Variants in OAS3 observed in about 807,000 individuals in gnomAD.
The protein encoded by OAS3 is 2'-5'-oligoadenylate synthase 3.
A neutral mutation model predicts 113.0 loss-of-function variants in OAS3; 107 were observed. The observed-to-expected ratio is 0.95, with a 90% confidence interval of 0.81 to 1.11. OAS3 has a LOEUF of 1.11. Among genes scored for constraint, OAS3 ranks in the 50% most tolerant of loss-of-function variants. The pLI, the probability that OAS3 is intolerant of heterozygous loss-of-function variation, is 0.00. For missense variants in OAS3, 1,258 were observed against 1,389.1 expected, an observed-to-expected ratio of 0.91 and a Z score of 1.50; for synonymous variants, 552 against 573.6, an observed-to-expected ratio of 0.96 and a Z score of 0.54.
rs374238440 is a variant in OAS3 at position 112,938,687 on chromosome 12, C to T, written c.157C>T (p.Arg53Trp). 1.6e-4 allele frequency: 257 copies of T among 1,571,026 alleles called. No individual in the cohort carries two copies. Among genetic ancestry groups the T allele is most frequent in the Non-Finnish European group, 2.1e-4 (249 of 1,160,416 alleles). Residue 53 changes from arginine (R) to tryptophan (W), a missense_variant, in exon 1 of 16, where the codon CGG becomes TGG. Coordinates refer to ENST00000228928, the MANE Select transcript of OAS3 (RefSeq NM_006187.4). The part of the protein sequence containing the change: ...RGGRLGAAAP[R>W]VLKTVKGGSS... Reference sequence around the variant, plus strand: ...GGGCCGCCTCGGTGCTGCTGCCCCGCGGGTGCTGAAAACTGTCAAGGTGAG... The same window carrying T: ...GGGCCGCCTCGGTGCTGCTGCCCCGTGGGTGCTGAAAACTGTCAAGGTGAG...
rs1201858080 is a variant in OAS3, at chr12:112,963,584, C to G, written c.2229+127C>G. The G allele has an allele frequency of 2.2e-6, 2 of 919,296 alleles. No individual in the cohort carries two copies. Among genetic ancestry groups the G allele is most frequent in the Non-Finnish European group, 3.0e-6 (2 of 659,632 alleles). 56.9% of individuals were successfully genotyped at this position (919,296 alleles called of 1,614,324 possible). A position where few individuals can be genotyped will look rare whatever the true frequency, so the allele number is the denominator to read the frequency against. On this transcript the variant is annotated intron_variant, in intron 10 of 15. Transcript: ENST00000228928. This position sits in a 1 kb window ranked among gnomAD's most constrained non-coding sequence, Gnocchi z 4.6. ...GGTGGCTGACAACTCATAGCCACCC[C>G]TTCTCTGGAGACTTGCCTTTCATGA... is the stretch of plus-strand genomic sequence containing the variant.
intron 6 of OAS3, 166 bp from the exon 7 acceptor site, chr12:112,950,527 C>A: frequency 1.3e-6 from 1 of 741,284 alleles, no homozygotes. Flanking sequence ...TGTCACAATT[C>A]TAAGAGGTCA....
intron 2 of OAS3, among the ~76,000 whole-genome samples, chr12:112,943,974 T>A (rs2043704122): frequency 6.6e-6 from 1 of 152,216 alleles, no homozygotes; most frequent in African/African-American, 2.4e-5. Flanking sequence ...ATTACAGGTG[T>A]GAGCCACAGC....
intron 3 of OAS3, among the ~76,000 whole-genome samples, chr12:112,946,078 T>C (rs538526929): frequency 6.6e-6 from 1 of 152,100 alleles, no homozygotes; most frequent in Non-Finnish European, 1.5e-5. Flanking sequence ...TGGGTACACA[T>C]GTGCACCCAC....
At chr12:112,959,630 T>G (rs79871006) in intron 7 of OAS3, among the ~76,000 whole-genome samples, 4,404 of 152,244 alleles carry the variant, frequency 0.029, 97 homozygotes, top group East Asian at 0.088. Context: ...TATTCTCTAC[T>G]TCTGGAACTC....
chr12:112,940,112 A>C (rs1332117195), intron 1 of OAS3, among the ~76,000 whole-genome samples: 1 of 152,118 alleles, frequency 6.6e-6, no homozygotes, highest in Non-Finnish European at 1.5e-5. Flanking sequence ...AGCACGGTGC[A>C]ATCTCCCTGT....
intron 3 of OAS3, among the ~76,000 whole-genome samples, chr12:112,945,904 A>T (rs2043723883): frequency 6.6e-6 from 1 of 152,198 alleles, no homozygotes; most frequent in Admixed American, 6.5e-5. Context: ...AGGCGTGAAG[A>T]TCACTTGAGC....
intron 1 of OAS3, among the ~76,000 whole-genome samples, chr12:112,939,228 G>A (rs1304311795): frequency 6.6e-6 from 1 of 150,880 alleles, no homozygotes; most frequent in Non-Finnish European, 1.5e-5. Flanking sequence ...CCCACGTTCA[G>A]TGAGGCAGGT....
rs1255719108 is a variant in OAS3 at position 112,963,023 on chromosome 12, C to G, written c.2084+121C>G. 1.6e-6 allele frequency: 2 copies of G among 1,254,370 alleles called. No individual in the cohort carries two copies. The highest frequency in any genetic ancestry group is 5.2e-5 in the East Asian group (2 of 38,562). The allele number at this position is 1,254,370 out of a possible 1,614,324, so 77.7% of individuals were successfully genotyped here. A position where few individuals can be genotyped will look rare whatever the true frequency, so the allele number is the denominator to read the frequency against. ...TGGGGTGGCAATCCCACTCCTCACTCTGCTTCCCTCTGGACTCTTTGCTGA... is the reference window on the plus strand; with the variant it reads ...TGGGGTGGCAATCCCACTCCTCACTGTGCTTCCCTCTGGACTCTTTGCTGA... On this transcript the variant is annotated intron_variant, in intron 9 of 15. Coordinates refer to ENST00000228928, the MANE Select transcript of OAS3 (RefSeq NM_006187.4). The surrounding 1 kb of genome is among the most constrained non-coding windows in gnomAD (Gnocchi z 4.6).
chr12:112,949,117 A>G lies in OAS3; in HGVS notation c.1286A>G (p.Gln429Arg). The G allele has an allele frequency of 1.2e-6, 2 of 1,613,988 alleles. No homozygotes were observed. The highest frequency in any genetic ancestry group is 1.7e-6 in the Non-Finnish European group (2 of 1,179,898). The change falls in exon 6 of 16, where the codon CAG (glutamine) becomes CGG (arginine). Residue 429 changes from glutamine (Q) to arginine (R), a missense_variant. Physicochemically the swap from Gln to Arg is conservative, Grantham distance 43 (BLOSUM62 1). Coordinates refer to ENST00000228928, the MANE Select transcript of OAS3 (RefSeq NM_006187.4). ...CAGGACCACCTGAAGCCGAGCCCCC[A>G]GTTCCAGGAGCAGGTGAAAAAGGCC... ...FIQDHLKPSP[Q>R]FQEQVKKAID...
chr12:112,944,938 G>A (rs2043714132), intron 3 of OAS3: 4 of 439,360 alleles, frequency 9.1e-6, no homozygotes, highest in Non-Finnish European at 1.3e-5. Flanking sequence ...AAGGTTATTT[G>A]TAGGACAAAA....
At position 112,938,540 on chromosome 12, in the gene OAS3, T is replaced by C; in HGVS notation, c.10T>C (p.Tyr4His). The C allele has an allele frequency of 1.2e-6, 2 of 1,607,118 alleles. No individual in the cohort carries two copies. The highest frequency in any genetic ancestry group is 1.3e-5 in the African/African-American group (1 of 74,664). ...CCTGCGCCGGGCGGCCATGGACTTG[T>C]ACAGCACCCCGGCCGCTGCGCTGGA... MDL[Y>H]STPAAALDRF... Residue 4 changes from tyrosine to histidine, a missense_variant, in exon 1 of 16, where the codon TAC becomes CAC. By Grantham distance (83) the Tyr-to-His change is moderately conservative. Coordinates refer to ENST00000228928, the MANE Select transcript of OAS3 (RefSeq NM_006187.4).
chr12:112,968,086 C>T lies in OAS3; in HGVS notation c.3016C>T (p.Arg1006Cys), dbSNP rs201783757. 65 of 1,613,790 alleles carry T rather than the reference C, an allele frequency of 4.0e-5. No homozygotes were observed. The African/African-American group carries it at 5.7e-4, about 14-fold the overall frequency. Residue 1006 changes from arginine to cysteine, a missense_variant, in exon 14 of 16, where the codon CGC becomes TGC. Arg to Cys is a radical substitution (Grantham distance 180). Coordinates refer to ENST00000228928, the MANE Select transcript of OAS3 (RefSeq NM_006187.4). ...GGTCCTGGAGCTGGTCACCCAGTAC[C>T]GCCAGCTCTGTATCTACTGGACCAT... ...RTVLELVTQY[R>C]QLCIYWTINY...
Position 112,965,977 on chromosome 12 carries a change from G to A in OAS3, c.2637G>A (p.Thr879=), listed in dbSNP as rs147485958. Residue 879 remains threonine (T), a synonymous_variant, in exon 12 of 16, where the codon ACG becomes ACA. Coordinates refer to ENST00000228928, the MANE Select transcript of OAS3 (RefSeq NM_006187.4). ...RVLSFSLTSQ[T]MLDQSVDFDV... ...TGAGCTTCTCACTGACATCCCAGAC[G>A]ATGCTGGACCAGAGTGTGGACTTTG... 2.7e-4 allele frequency: 440 copies of A among 1,614,030 alleles called. 6 individuals are homozygous for A. The East Asian group carries it at 8.1e-3, about 30-fold the overall frequency.
Position 112,945,781 on chromosome 12 carries a change from T to C in OAS3, c.637-962T>C, listed in dbSNP as rs1297412298. Among the ~76,000 whole-genome samples the C allele has an allele frequency of 3.3e-5, 5 of 152,186 alleles. 1 individual carries two copies. In the East Asian group the frequency reaches 9.6e-4, roughly 29 times the overall value. ...CATCGGCAAATCTTACTCAGGTTCT[T>C]TCCATGTAAGATTCTCCAGGGGCAG... On this transcript the variant is annotated intron_variant, in intron 3 of 15. Coordinates refer to ENST00000228928, the MANE Select transcript of OAS3 (RefSeq NM_006187.4).
Position 112,963,204 on chromosome 12 carries a change from T to C in OAS3, c.2085-109T>C. On this transcript the variant is annotated intron_variant, in intron 9 of 15. Transcript: ENST00000228928. This position sits in a 1 kb window ranked among gnomAD's most constrained non-coding sequence, Gnocchi z 4.6. ...CACTTGGGCAAGACTGAGCCAACCC[T>C]GAGGTCCTGACACTCTTTCCAGCCC... 1 of 1,323,742 alleles carries C rather than the reference T, an allele frequency of 7.6e-7. No individual in the cohort carries two copies. Among genetic ancestry groups the C allele is most frequent in the Non-Finnish European group, 1.0e-6 (1 of 990,518 alleles). The allele number at this position is 1,323,742 out of a possible 1,614,324, so 82.0% of individuals were successfully genotyped here.
intron 5 of OAS3, among the ~76,000 whole-genome samples, chr12:112,948,502 C>CAAAA (rs35812521): frequency 1.3e-4 from 13 of 99,444 alleles, no homozygotes; most frequent in African/African-American, 1.6e-4. Context: ...GACTCCGTCC[C>CAAAA]AAAAAAAAAA....
In OAS3 at chr12:112,950,793, G is replaced by A. The variant is rs115666428; in HGVS notation, c.1475G>A (p.Arg492His). 6,198 of 1,614,004 alleles carry A rather than the reference G, an allele frequency of 3.8e-3. 64 individuals are homozygous for A. The highest frequency in any genetic ancestry group is 0.035 in the African/African-American group (2,598 of 75,048). Reference protein sequence around the residue: ...CFTDYKDQGPRRAEILDEMRA... With the variant: ...CFTDYKDQGPHRAEILDEMRA... ...ACGGACTACAAGGACCAGGGGCCCC[G>A]CCGCGCAGAGATCCTTGATGAGATG... The change falls in exon 7 of 16, where the codon CGC becomes CAC. Residue 492 changes from arginine (R) to histidine (H), a missense_variant. Transcript: ENST00000228928.
rs1227944704 is a variant in OAS3 at position 112,941,584 on chromosome 12, C to A, written c.192C>A (p.Gly64=). 6.2e-7 allele frequency: 1 copy of A among 1,612,480 alleles called. No homozygotes were observed. The highest frequency in any genetic ancestry group is 1.1e-5 in the South Asian group (1 of 91,072). ...TCTTTGCCCAGGGAGGCTCCTCGGG[C>A]CGGGGCACAGCTCTCAAGGGTGGCT... ...VLKTVKGGSS[G]RGTALKGGCD... Residue 64 remains glycine (G), a synonymous_variant, in exon 2 of 16, where the codon GGC becomes GGA. Transcript: ENST00000228928.
Sources: gnomAD v4.1 joint callset for allele counts (sites outside exome capture counted in the v4.1 genomes callset) on GRCh38, gnomAD v4.1.1 for gene constraint, Gnocchi (gnomAD v3.1) non-coding constraint, MANE v1.5 for transcripts, NCBI Gene and HGNC (gene_info 2026-07-23, HGNC 2026-07-21) for gene names.